The following DCP2 variants were observed in gnomAD, a reference collection of about 807,000 sequenced individuals.
DCP2 encodes decapping mRNA 2, also known as m7GpppN-mRNA hydrolase.
Under a neutral mutation model 56.1 loss-of-function variants are expected in DCP2, and 30 were observed. The observed-to-expected ratio is 0.53, with a 90% confidence interval of 0.40 to 0.73. DCP2 has a LOEUF of 0.73. Ranked by LOEUF, DCP2 falls within the 30% of genes least tolerant of loss-of-function variation. The pLI is 0.00. For missense variants in DCP2, 533 were observed against 502.7 expected (o/e 1.06, Z -0.58); for synonymous variants, 197 against 163.3 (o/e 1.21, Z -1.57).
At chr5:113,005,734 C>T (rs547478111) in intron 8 of DCP2, among the ~76,000 whole-genome samples, 1 of 152,118 alleles carries the variant, frequency 6.6e-6, no homozygotes, top group Non-Finnish European at 1.5e-5. Flanking sequence ...TCACAATAGC[C>T]AAAAGGTGGA....
chr5:113,005,144 G>T (rs1258919805), intron 8 of DCP2, among the ~76,000 whole-genome samples: 1 of 74,146 alleles, frequency 1.3e-5, no homozygotes, highest in Non-Finnish European at 2.7e-5. Flanking sequence ...AAAAAAGTGT[G>T]CGTGTGGGTG....
At position 113,021,843 on chromosome 5, in the gene DCP2, A is replaced by G. The variant is rs1750157452; in HGVS notation, c.*8359A>G. ...TCCTTGATTACATTCCATTTTAATG[A>G]TCTTTCTTTAAGAGGGGAAAAGACT... On this transcript the variant is annotated 3_prime_UTR_variant, in exon 11 of 11. Transcript: ENST00000389063. 6.6e-6 allele frequency among the ~76,000 whole-genome samples: 1 copy of G among 152,202 alleles called. No homozygotes were observed. The highest frequency in any genetic ancestry group is 6.5e-5 in the Admixed American group (1 of 15,276).
rs1478604470 is a variant in DCP2, at chr5:112,992,750, C to T, written c.412C>T (p.His138Tyr). 1.3e-6 allele frequency: 2 copies of T among 1,584,232 alleles called. No individual in the cohort carries two copies. Among genetic ancestry groups the T allele is most frequent in the Admixed American group, 2.0e-5 (1 of 50,652 alleles). Residue 138 changes from histidine (H) to tyrosine (Y), a missense_variant, in exon 4 of 11, where the codon CAT (histidine) becomes TAT (tyrosine). By Grantham distance (83) the His-to-Tyr change is moderately conservative. Transcript: ENST00000389063. ...KGKVNKEEAPHDCAAREVFEE... is the reference protein window; with the variant it reads ...KGKVNKEEAPYDCAAREVFEE... ...AAAAGTAAATAAAGAAGAAGCTCCT[C>T]ATGATTGTGCTGCTAGAGAGGTAAG...
chr5:112,979,784 G>A (rs1747909875), intron 1 of DCP2, among the ~76,000 whole-genome samples: 1 of 152,140 alleles, frequency 6.6e-6, no homozygotes, highest in Non-Finnish European at 1.5e-5. Flanking sequence ...CAGGCAATTA[G>A]CACACAGTAA....
intron 1 of DCP2, chr5:112,983,910 C>T (rs893862013): frequency 6.6e-6 from 1 of 152,194 alleles, no homozygotes; most frequent in African/African-American, 2.4e-5. Context: ...AGGATAAAGA[C>T]ATTTTAGATG....
intron 2 of DCP2, among the ~76,000 whole-genome samples, chr5:112,986,499 A>T (rs115743518): frequency 6.6e-6 from 1 of 151,226 alleles, no homozygotes; most frequent in African/African-American, 2.4e-5. Context: ...CATTCCTGCT[A>T]ATTTTTTTTT....
At chr5:112,977,344 C>T (rs1478309276) in intron 1 of DCP2, among the ~76,000 whole-genome samples, 1 of 152,200 alleles carries the variant, frequency 6.6e-6, no homozygotes, top group Non-Finnish European at 1.5e-5. Flanking sequence ...GCCTCTGTGA[C>T]TTTTCCACGC....
intron 2 of DCP2, 72 bp downstream of exon 2, chr5:112,986,058 T>C: frequency 7.1e-7 from 1 of 1,418,168 alleles, no homozygotes; most frequent in Non-Finnish European, 9.4e-7. Context: ...TCTTTTTGCT[T>C]GCCTTTTCAG....
intron 1 of DCP2, among the ~76,000 whole-genome samples, chr5:112,985,567 G>A (rs1234348247): frequency 6.6e-6 from 1 of 152,208 alleles, no homozygotes; most frequent in Non-Finnish European, 1.5e-5. Flanking sequence ...TTTGTTGTTA[G>A]TGAGCTCTTA....
At chr5:112,985,193 G>T (rs1483186862) in intron 1 of DCP2, among the ~76,000 whole-genome samples, 2 of 151,866 alleles carry the variant, frequency 1.3e-5, no homozygotes, top group East Asian at 3.9e-4. Flanking sequence ...CATAATAAAG[G>T]GGTTCATTAT....
rs118021771 is a variant in DCP2, at chr5:113,009,255, C to G, written c.1047+1213C>G. Among the ~76,000 whole-genome samples, 137 of 152,286 alleles carry G rather than the reference C, an allele frequency of 9.0e-4. 5 individuals are homozygous for G. In the East Asian group the frequency reaches 0.024, roughly 27 times the overall value. On this transcript the variant is annotated intron_variant, in intron 9 of 10. Coordinates refer to ENST00000389063, the MANE Select transcript of DCP2 (RefSeq NM_152624.6). Reference sequence around the variant, plus strand: ...TTGTAGATTTTTTGGGAGAACTTCACAAAATACTCTCACATTTGTCTAGAA... The same window carrying G: ...TTGTAGATTTTTTGGGAGAACTTCAGAAAATACTCTCACATTTGTCTAGAA...
At chr5:112,990,753 T>G (rs1260022664) in intron 2 of DCP2, among the ~76,000 whole-genome samples, 1 of 152,172 alleles carries the variant, frequency 6.6e-6, no homozygotes, top group Non-Finnish European at 1.5e-5. Context: ...AATTACAGTG[T>G]TGTTATATAT....
intron 5 of DCP2, 31 bp downstream of exon 5, chr5:113,001,267 G>T: frequency 6.2e-7 from 1 of 1,605,404 alleles, no homozygotes. Context: ...CAGGTTACTG[G>T]ACAGTATCCC....
At chr5:112,984,703 A>AAAAAAATATATATATATATAT in intron 1 of DCP2, 28 of 64,832 alleles carry the variant, frequency 4.3e-4, no homozygotes, top group African/African-American at 2.1e-3. Flanking sequence ...AAAAAAAAAA[A>AAAAAAATATATATATATATAT]ATATATATAT....
intron 1 of DCP2, among the ~76,000 whole-genome samples, chr5:112,985,622 CA>C (rs1475011712): frequency 6.6e-6 from 1 of 152,136 alleles, no homozygotes; most frequent in Non-Finnish European, 1.5e-5. Flanking sequence ...AGGCTCAGAA[CA>C]AACTGTATTA....
chr5:112,977,457 G>A (rs200716822), intron 1 of DCP2, among the ~76,000 whole-genome samples: 1 of 152,166 alleles, frequency 6.6e-6, no homozygotes. Context: ...CCTGCGCAAG[G>A]AGCAAATTTT....
chr5:113,001,279 A>G (rs765596511), intron 5 of DCP2, 43 bp downstream of exon 5: 24 of 1,600,804 alleles, frequency 1.5e-5, no homozygotes, highest in South Asian at 2.3e-5. Flanking sequence ...CAGTATCCCA[A>G]ATGAATAAGT....
In DCP2 at chr5:113,020,384, C is replaced by T. The variant is rs1750061255; in HGVS notation, c.*6900C>T. 6.6e-6 allele frequency: 1 copy of T among 152,142 alleles called. No homozygotes were observed. Among genetic ancestry groups the T allele is most frequent in the Non-Finnish European group, 1.5e-5 (1 of 68,026 alleles). The allele number at this position is 152,142 out of a possible 1,614,324, so 9.4% of individuals were successfully genotyped here. A position where few individuals can be genotyped will look rare whatever the true frequency, so the allele number is the denominator to read the frequency against. On this transcript the variant is annotated 3_prime_UTR_variant, in exon 11 of 11. Transcript: ENST00000389063. ...TGGAGAAAGACTATAAGTGAATCTA[C>T]TTCAAGGGATTCTGTTCATGGTGGT...
Position 113,002,832 on chromosome 5 carries a change from C to A in DCP2, c.807-1110C>A, listed in dbSNP as rs557861568. Among the ~76,000 whole-genome samples the A allele has an allele frequency of 2.6e-5, 4 of 152,272 alleles. No homozygotes were observed. The East Asian group carries it at 7.7e-4, about 29-fold the overall frequency. On this transcript the variant is annotated intron_variant, in intron 7 of 10. Transcript: ENST00000389063. ...GCCACCATGCCTGGCCTCTGGCTTA[C>A]AACTTAATTGCATCCAAGTCAGTTA... is the stretch of plus-strand genomic sequence containing the variant.
Sources: allele counts gnomAD v4.1 joint callset (sites outside exome capture counted in the v4.1 genomes callset), GRCh38; gene constraint gnomAD v4.1.1; transcripts MANE v1.5; gene names NCBI Gene and HGNC (gene_info 2026-07-23, HGNC 2026-07-21).